RMDN2: variants seen among roughly 807,000 people sequenced by gnomAD.
RMDN2 encodes regulator of microtubule dynamics protein 2.
In RMDN2, 61 loss-of-function variants were observed where a neutral mutation model predicts 52.8. The ratio of observed to expected loss-of-function variants is 1.16; its 90% confidence interval spans 0.94 to 1.43. The LOEUF is 1.43. Among genes scored for constraint, RMDN2 ranks in the 40% most tolerant of loss-of-function variants. The pLI, the probability that RMDN2 is intolerant of heterozygous loss-of-function variation, is 0.00. For synonymous variants in RMDN2, 180 were observed against 153.1 expected (o/e 1.18, Z -1.30); for missense variants, 592 against 475.3 (o/e 1.25, Z -2.28).
intron 5 of RMDN2, among the ~76,000 whole-genome samples, chr2:37,982,225 A>G (rs911327716): frequency 2.0e-5 from 3 of 152,150 alleles, no homozygotes; most frequent in Non-Finnish European, 4.4e-5. Context: ...TTGCCCCACC[A>G]AAATCTGAAG....
intron 10 of RMDN2, chr2:38,030,086 TG>T (rs1221654757): frequency 1.3e-5 from 2 of 152,318 alleles, no homozygotes; most frequent in African/African-American, 4.8e-5. Context: ...GTGGGAATTA[TG>T]GGAGCTATAA....
At chr2:38,059,169 C>T (rs746922498) in intron 10 of RMDN2, among the ~76,000 whole-genome samples, 29 of 152,156 alleles carry the variant, frequency 1.9e-4, no homozygotes, top group Non-Finnish European at 3.5e-4. Flanking sequence ...TTCCAAGCAC[C>T]TGAAATAAGG....
intron 10 of RMDN2, among the ~76,000 whole-genome samples, chr2:38,006,611 T>C (rs893372991): frequency 2.0e-5 from 3 of 152,200 alleles, no homozygotes; most frequent in African/African-American, 7.2e-5. Context: ...TGGGCTGAGA[T>C]GATGGGATTT....
At chr2:37,930,473 C>T (rs1666638864) in intron 2 of RMDN2, among the ~76,000 whole-genome samples, 1 of 152,192 alleles carries the variant, frequency 6.6e-6, no homozygotes, top group African/African-American at 2.4e-5. Flanking sequence ...AAATGCCTGA[C>T]ATGACACCAG....
At chr2:37,921,060 G>A (rs1666016781), upstream of RMDN2, among the ~76,000 whole-genome samples, 2 of 152,156 alleles carry the variant, frequency 1.3e-5, no homozygotes, top group South Asian at 2.1e-4. Flanking sequence ...AATTAGGTAT[G>A]TATACTTTTA....
chr2:38,002,921 A>G (rs1304996023), intron 8 of RMDN2: 1 of 152,250 alleles, frequency 6.6e-6, no homozygotes, highest in Non-Finnish European at 1.5e-5. Flanking sequence ...CCTTCAAAAC[A>G]GCGAAAGCTG....
intron 3 of RMDN2, 71 bp from the exon 4 acceptor site, chr2:37,975,141 A>C: frequency 1.2e-6 from 1 of 863,616 alleles, no homozygotes; most frequent in African/African-American, 1.7e-5. Flanking sequence ...AAAAAGTTGC[A>C]GTAGAAAACA....
In RMDN2 at chr2:37,952,046, C is replaced by T. The variant is rs546075969; in HGVS notation, c.453-21994C>T. The T allele has an allele frequency of 1.1e-4, 177 of 1,613,436 alleles. 1 individual carries two copies. The South Asian group carries it at 1.9e-3, about 17-fold the overall frequency. ...CCTCTCAAAGTGGAACTTTCCCATT[C>T]CTCCATAAAGCTGGATTTTCTTCAT... On this transcript the variant is annotated intron_variant, in intron 2 of 10. Transcript: ENST00000354545.
At chr2:38,037,810 T>C (rs1438396310) in intron 10 of RMDN2, among the ~76,000 whole-genome samples, 1 of 152,166 alleles carries the variant, frequency 6.6e-6, no homozygotes. Context: ...TTTAATCCAT[T>C]CCACAAGGCC....
At chr2:38,000,037 T>C (rs894095189) in intron 8 of RMDN2, among the ~76,000 whole-genome samples, 3 of 152,216 alleles carry the variant, frequency 2.0e-5, no homozygotes, top group African/African-American at 7.2e-5. Context: ...ACATGTTAAA[T>C]GTTCTAACTA....
chr2:37,995,446 G>A (rs936293502), intron 7 of RMDN2, among the ~76,000 whole-genome samples: 2 of 151,962 alleles, frequency 1.3e-5, no homozygotes, highest in Non-Finnish European at 2.9e-5. Flanking sequence ...TAATTCACAA[G>A]GAAAGTGTTT....
intron 2 of RMDN2, among the ~76,000 whole-genome samples, chr2:37,944,247 G>T (rs1035374017): frequency 6.6e-6 from 1 of 150,512 alleles, no homozygotes; most frequent in Non-Finnish European, 1.5e-5. Flanking sequence ...TACAGTATCT[G>T]TACTCCTTGG....
In RMDN2 at chr2:37,989,528, T is replaced by C; in HGVS notation, c.792-13T>C. The C allele has an allele frequency of 6.2e-7, 1 of 1,600,642 alleles. No homozygotes were observed. The highest frequency in any genetic ancestry group is 1.3e-5 in the African/African-American group (1 of 74,460). On this transcript the variant is annotated splice_polypyrimidine_tract_variant and intron_variant, in intron 5 of 10. Coordinates refer to ENST00000354545, the MANE Select transcript of RMDN2 (RefSeq NM_001170791.3). The stretch of plus-strand genomic sequence containing the variant: ...CAGTGGCCACTGTTTTTGTCTGTTT[T>C]TGTCCTTTTCAGGTATGCAGTTTTG...
At chr2:37,939,118 A>C (rs1342313116) in intron 2 of RMDN2, among the ~76,000 whole-genome samples, 6 of 152,186 alleles carry the variant, frequency 3.9e-5, no homozygotes, top group Non-Finnish European at 8.8e-5. Flanking sequence ...TCGGTTTCAA[A>C]TAACTTATTT....
At chr2:38,045,008 T>A (rs1216318541) in intron 10 of RMDN2, among the ~76,000 whole-genome samples, 2 of 152,058 alleles carry the variant, frequency 1.3e-5, no homozygotes, top group Non-Finnish European at 2.9e-5. Context: ...CTAGATATTT[T>A]TTTTTTCTGT....
chr2:37,921,136 A>G (rs867775686), upstream of RMDN2, among the ~76,000 whole-genome samples: 1 of 152,186 alleles, frequency 6.6e-6, no homozygotes, highest in Non-Finnish European at 1.5e-5. Context: ...TTTTTCTTTC[A>G]TACATATCTT....
chr2:37,979,427 C>T (rs1416258669), intron 4 of RMDN2, among the ~76,000 whole-genome samples: 2 of 152,120 alleles, frequency 1.3e-5, no homozygotes, highest in South Asian at 2.1e-4. Context: ...CGTGGAAGAA[C>T]GTTGGGGTTC....
In RMDN2 at chr2:38,017,489, T is replaced by C; in HGVS notation, c.*250T>C. 9.2e-7 allele frequency: 1 copy of C among 1,091,300 alleles called. No homozygotes were observed. The allele number at this position is 1,091,300 out of a possible 1,614,324, so 67.6% of individuals were successfully genotyped here. A position where few individuals can be genotyped will look rare whatever the true frequency, so the allele number is the denominator to read the frequency against. On this transcript the variant is annotated 3_prime_UTR_variant, in exon 11 of 11. Coordinates refer to ENST00000354545, the MANE Select transcript of RMDN2 (RefSeq NM_001170791.3). ...GTATGCTTTATATTTTTCTTATCAA[T>C]AAACTGCAGCCTTAAGAATATTTCT...
At chr2:37,957,670 T>C (rs944889955) in intron 2 of RMDN2, among the ~76,000 whole-genome samples, 3 of 152,216 alleles carry the variant, frequency 2.0e-5, no homozygotes, top group Non-Finnish European at 2.9e-5. Flanking sequence ...TTGTCTATTT[T>C]TACTTTTGTT....
Sources: gnomAD v4.1 joint callset for allele counts (sites outside exome capture counted in the v4.1 genomes callset) on GRCh38, gnomAD v4.1.1 for gene constraint, MANE v1.5 for transcripts, NCBI Gene and HGNC (gene_info 2026-07-23, HGNC 2026-07-21) for gene names.